NCAM1: variants seen among roughly 807,000 people sequenced by gnomAD.
The protein encoded by NCAM1 is neural cell adhesion molecule 1, also known as antigen recognized by monoclonal antibody 5.1H11.
NCAM1 carries 14 observed loss-of-function variants against 109.8 expected under a neutral mutation model. The observed-to-expected ratio is 0.13, with a 90% CI of 0.08 to 0.20. The LOEUF (loss-of-function observed/expected upper bound fraction) is 0.20, where lower values mean the gene tolerates loss of function less well. Among genes scored for constraint, NCAM1 ranks in the 10% least tolerant of loss-of-function variants. The pLI is 1.00. For missense variants in NCAM1, 774 were observed against 1,109.9 expected, an observed-to-expected ratio of 0.70 and a Z score of 4.30; for synonymous variants, 418 against 442.9, an observed-to-expected ratio of 0.94 and a Z score of 0.70.
At chr11:112,972,013 C>T (rs1483121790) in intron 1 of NCAM1, among the ~76,000 whole-genome samples, 1 of 151,998 alleles carries the variant, frequency 6.6e-6, no homozygotes, top group Non-Finnish European at 1.5e-5. Flanking sequence ...AACAAAGCAA[C>T]CAGCAAGGGT....
intron 1 of NCAM1, among the ~76,000 whole-genome samples, chr11:113,134,861 G>A (rs1555099088): frequency 6.6e-6 from 1 of 152,108 alleles, no homozygotes; most frequent in South Asian, 2.1e-4. Context: ...CTTGGAAGAA[G>A]CTCATTTTAT....
chr11:113,205,488 A>C (rs1944209589), intron 3 of NCAM1, 35 bp from the exon 4 acceptor site: 1 of 1,589,962 alleles, frequency 6.3e-7, no homozygotes, highest in South Asian at 1.2e-5. Flanking sequence ...TGAGAGAAGC[A>C]GCTGTTTTCC....
chr11:113,083,080 A>G (rs1402910276), intron 1 of NCAM1, among the ~76,000 whole-genome samples: 2 of 151,676 alleles, frequency 1.3e-5, no homozygotes, highest in Non-Finnish European at 2.9e-5. Context: ...GAGGGAAGAC[A>G]AATTCCATAG....
chr11:113,260,335 T>C lies in NCAM1; in HGVS notation c.2131+12T>C, dbSNP rs782715343. 2 of 1,608,122 alleles carry C rather than the reference T, an allele frequency of 1.2e-6. No individual in the cohort carries two copies. Among genetic ancestry groups the C allele is most frequent in the South Asian group, 2.2e-5 (2 of 90,094 alleles). On this transcript the variant is annotated intron_variant, in intron 17 of 19. Coordinates refer to ENST00000316851, the MANE Select transcript of NCAM1 (RefSeq NM_181351.5). ...CACAGCCATCCCAGGTATGGCTGCC[T>C]CTGCTTTCTGTTTGTTTCCGCTTTG... is the stretch of plus-strand genomic sequence containing the variant.
chr11:113,092,559 GAA>G (rs1454623374), intron 1 of NCAM1, among the ~76,000 whole-genome samples: 1 of 152,162 alleles, frequency 6.6e-6, no homozygotes, highest in Non-Finnish European at 1.5e-5. Flanking sequence ...AATCCCAGCA[GAA>G]CTGAGCCAGT....
chr11:113,256,110 T>C, intron 16 of NCAM1, 109 bp downstream of exon 16: 1 of 1,407,432 alleles, frequency 7.1e-7, no homozygotes, highest in Non-Finnish European at 9.5e-7. Context: ...TGGGGTCTTA[T>C]TCTGTGTCTG....
At chr11:113,173,465 G>C (rs1295892253) in intron 1 of NCAM1, among the ~76,000 whole-genome samples, 1 of 151,740 alleles carries the variant, frequency 6.6e-6, no homozygotes, top group African/African-American at 2.4e-5. Flanking sequence ...GGTCTGGACA[G>C]GGAAGCAGCT....
chr11:113,166,545 G>A (rs563212843), intron 1 of NCAM1, among the ~76,000 whole-genome samples: 2 of 152,296 alleles, frequency 1.3e-5, no homozygotes, highest in African/African-American at 4.8e-5. Flanking sequence ...TTTAAAGATT[G>A]ATGTGATATG....
At chr11:113,165,633 C>T (rs966556773) in intron 1 of NCAM1, among the ~76,000 whole-genome samples, 7 of 152,026 alleles carry the variant, frequency 4.6e-5, no homozygotes, top group Admixed American at 6.6e-5. Context: ...TTTTCCTGCA[C>T]CCTTACGACC....
At chr11:113,000,294 G>A (rs889249551) in intron 1 of NCAM1, among the ~76,000 whole-genome samples, 3 of 152,252 alleles carry the variant, frequency 2.0e-5, no homozygotes, top group East Asian at 3.9e-4. Context: ...AGAGAGCCAG[G>A]TGTGGAACAG....
At chr11:113,167,785 C>T (rs1555105505) in intron 1 of NCAM1, among the ~76,000 whole-genome samples, 1 of 152,164 alleles carries the variant, frequency 6.6e-6, no homozygotes, top group Non-Finnish European at 1.5e-5. Context: ...TGGCACTCTG[C>T]CAGGTTGGCA....
chr11:113,170,186 C>A (rs1263548841), intron 1 of NCAM1, among the ~76,000 whole-genome samples: 1 of 152,130 alleles, frequency 6.6e-6, no homozygotes, highest in African/African-American at 2.4e-5. Flanking sequence ...GAAGAGCAAG[C>A]AGAGATCAGA....
At chr11:113,066,970 C>T (rs1342111696) in intron 1 of NCAM1, among the ~76,000 whole-genome samples, 5 of 145,446 alleles carry the variant, frequency 3.4e-5, no homozygotes, top group Non-Finnish European at 5.9e-5. Flanking sequence ...CGCCACTGCA[C>T]TCCGGCCTGG....
chr11:113,201,151 T>G (rs1490311102), intron 1 of NCAM1, among the ~76,000 whole-genome samples: 1 of 152,142 alleles, frequency 6.6e-6, no homozygotes, highest in Non-Finnish European at 1.5e-5. Context: ...GTTGCTGGCA[T>G]GGTTAGGAAG....
intron 1 of NCAM1, among the ~76,000 whole-genome samples, chr11:113,007,409 A>G (rs976308416): frequency 1.2e-4 from 18 of 152,312 alleles, no homozygotes; most frequent in African/African-American, 4.1e-4. Flanking sequence ...ATCATGTGAT[A>G]ACTAGGAATA....
chr11:112,992,020 T>C (rs537087970), intron 1 of NCAM1, among the ~76,000 whole-genome samples: 9 of 152,246 alleles, frequency 5.9e-5, no homozygotes, highest in African/African-American at 2.2e-4. Context: ...GAAATTCTAT[T>C]GTAATTATGA....
intron 1 of NCAM1, among the ~76,000 whole-genome samples, chr11:113,078,201 T>C (rs1434715527): frequency 6.6e-6 from 1 of 152,124 alleles, no homozygotes; most frequent in Non-Finnish European, 1.5e-5. Flanking sequence ...GTCTGATGGC[T>C]CCGAGAGTTC....
chr11:113,005,176 A>G (rs548141752), intron 1 of NCAM1, among the ~76,000 whole-genome samples: 1 of 152,152 alleles, frequency 6.6e-6, no homozygotes, highest in Non-Finnish European at 1.5e-5. Context: ...TTCTTCTCTT[A>G]GTAGAAGAAA....
At chr11:113,012,990 G>C (rs1952109936) in intron 1 of NCAM1, among the ~76,000 whole-genome samples, 1 of 151,960 alleles carries the variant, frequency 6.6e-6, no homozygotes, top group Non-Finnish European at 1.5e-5. Flanking sequence ...ATAAAATTAT[G>C]GTCATATTTA....
Sources: gnomAD v4.1 joint callset for allele counts (sites outside exome capture counted in the v4.1 genomes callset) on GRCh38, gnomAD v4.1.1 for gene constraint, MANE v1.5 for transcripts, NCBI Gene and HGNC (gene_info 2026-07-23, HGNC 2026-07-21) for gene names.